EXOC4: variants seen among roughly 807,000 people sequenced by gnomAD.
EXOC4 encodes the protein exocyst complex component 4.
Under a neutral mutation model 107.2 loss-of-function variants are expected in EXOC4, and 71 were observed. That is an observed-to-expected ratio of 0.66 (90% CI 0.55 to 0.81). The LOEUF is 0.81. Among genes scored for constraint, EXOC4 ranks in the 30% least tolerant of loss-of-function variants. The probability of loss-of-function intolerance (pLI) is 0.00; values close to 1 mark genes in which losing one functional copy is unlikely to be tolerated. For synonymous variants in EXOC4, 456 were observed against 441.2 expected (o/e 1.03, Z -0.42); for missense variants, 1,108 against 1,189.6 (o/e 0.93, Z 1.01).
intron 10 of EXOC4, among the ~76,000 whole-genome samples, chr7:133,755,943 T>C (rs2151144836): frequency 6.6e-6 from 1 of 152,334 alleles, no homozygotes; most frequent in Non-Finnish European, 1.5e-5. Context: ...GCATGGTGGC[T>C]GTATTCTCAG....
chr7:133,546,494 G>C (rs998924398), intron 9 of EXOC4, among the ~76,000 whole-genome samples: 1 of 152,054 alleles, frequency 6.6e-6, no homozygotes, highest in Non-Finnish European at 1.5e-5. Context: ...CACCTCAAGC[G>C]ATCTGCCTGC....
At chr7:133,404,894 A>ACACACACACG (rs1797180861) in intron 7 of EXOC4, among the ~76,000 whole-genome samples, 1 of 29,542 alleles carries the variant, frequency 3.4e-5, no homozygotes, top group Non-Finnish European at 6.0e-5. Context: ...ATACACACAC[A>ACACACACACG]CACACACACG....
At chr7:133,837,232 C>T (rs1797936968) in intron 11 of EXOC4, among the ~76,000 whole-genome samples, 1 of 152,136 alleles carries the variant, frequency 6.6e-6, no homozygotes, top group African/African-American at 2.4e-5. Context: ...AAAGGACTGT[C>T]CTCTAGGAGG....
At chr7:133,358,550 T>A (rs1796072957) in intron 6 of EXOC4, among the ~76,000 whole-genome samples, 1 of 152,220 alleles carries the variant, frequency 6.6e-6, no homozygotes, top group Admixed American at 6.5e-5. Flanking sequence ...TTTCTTTGCC[T>A]GGCACCTGGA....
At chr7:133,344,753 G>A (rs1264059623) in intron 5 of EXOC4, among the ~76,000 whole-genome samples, 3 of 152,106 alleles carry the variant, frequency 2.0e-5, no homozygotes, top group Non-Finnish European at 2.9e-5. Context: ...TTGAAACTTA[G>A]GGTTGACTTT....
Position 133,746,820 on chromosome 7 carries a change from A to T in EXOC4, c.1515-70505A>T, listed in dbSNP as rs1052176836. ...CAGCCCATCTTTCTCGTGATTCCTC[A>T]TTCAACTGCCAGACTGACAGCAGGA... is the stretch of plus-strand genomic sequence containing the variant. On this transcript the variant is annotated intron_variant, in intron 10 of 17. Transcript: ENST00000253861. Among the ~76,000 whole-genome samples the T allele has an allele frequency of 3.9e-5, 6 of 152,298 alleles. No individual in the cohort carries two copies. In the East Asian group the frequency reaches 1.2e-3, roughly 29 times the overall value.
intron 10 of EXOC4, among the ~76,000 whole-genome samples, chr7:133,669,291 C>T (rs1057102783): frequency 1.3e-5 from 2 of 151,978 alleles, no homozygotes; most frequent in African/African-American, 4.8e-5. Flanking sequence ...CTCCTATGGC[C>T]TGGCTGGAGT....
chr7:133,811,601 TAA>T (rs1360510197), intron 10 of EXOC4, among the ~76,000 whole-genome samples: 2 of 152,224 alleles, frequency 1.3e-5, no homozygotes, highest in Admixed American at 1.3e-4. Flanking sequence ...GTTTGGTTAA[TAA>T]AACTGTTCAT....
At chr7:133,954,046 A>T (rs1800755719) in intron 14 of EXOC4, among the ~76,000 whole-genome samples, 2 of 152,236 alleles carry the variant, frequency 1.3e-5, no homozygotes, top group Admixed American at 6.5e-5. Context: ...AACATTTTGT[A>T]ATATGTTCCA....
chr7:133,872,086 G>A (rs1290441709), intron 11 of EXOC4, among the ~76,000 whole-genome samples: 1 of 152,024 alleles, frequency 6.6e-6, no homozygotes. Context: ...ACAGTTCTCG[G>A]GAACTAGGAA....
chr7:133,331,129 C>G (rs987991792), intron 5 of EXOC4, among the ~76,000 whole-genome samples: 1 of 152,090 alleles, frequency 6.6e-6, no homozygotes, highest in African/African-American at 2.4e-5. Context: ...AGTCAAGGCA[C>G]AGGTTGGCAA....
intron 10 of EXOC4, among the ~76,000 whole-genome samples, chr7:133,699,292 T>C (rs1052362365): frequency 6.6e-5 from 10 of 152,170 alleles, no homozygotes; most frequent in Non-Finnish European, 1.0e-4. Flanking sequence ...GTCAGTGTTT[T>C]TTCCCCCAGT....
At chr7:133,471,133 CG>C (rs1798865955) in intron 7 of EXOC4, among the ~76,000 whole-genome samples, 1 of 152,142 alleles carries the variant, frequency 6.6e-6, no homozygotes, top group Middle Eastern at 3.4e-3. Flanking sequence ...AAATTCTGGC[CG>C]GGTGTGCTGG....
chr7:133,686,591 A>C (rs142419376), intron 10 of EXOC4, among the ~76,000 whole-genome samples: 1 of 152,332 alleles, frequency 6.6e-6, no homozygotes, highest in Non-Finnish European at 1.5e-5. Context: ...GAACATATAC[A>C]AATTGCCAAT....
intron 10 of EXOC4, among the ~76,000 whole-genome samples, chr7:133,653,230 A>G (rs1438886214): frequency 6.6e-6 from 1 of 152,176 alleles, no homozygotes; most frequent in East Asian, 1.9e-4. Context: ...TAGTAAGTAG[A>G]TGCTATATTT....
chr7:133,912,398 A>G (rs958405), intron 12 of EXOC4, among the ~76,000 whole-genome samples: 71,079 of 151,990 alleles, frequency 0.47, 17,930 homozygotes, highest in African/African-American at 0.66. Flanking sequence ...ACTATTTTAC[A>G]TTGGGGTTTT....
chr7:133,416,427 A>T (rs997495555), intron 7 of EXOC4, among the ~76,000 whole-genome samples: 8 of 152,206 alleles, frequency 5.3e-5, no homozygotes, highest in African/African-American at 1.9e-4. Flanking sequence ...ATTTGCATAT[A>T]GGGTTGTTTC....
At chr7:133,502,525 C>CT (rs982866819) in intron 9 of EXOC4, among the ~76,000 whole-genome samples, 1 of 151,888 alleles carries the variant, frequency 6.6e-6, no homozygotes, top group Non-Finnish European at 1.5e-5. Context: ...TGCTAATTTG[C>CT]TTTTTTGTGT....
At chr7:133,736,167 A>T (rs1795440829) in intron 10 of EXOC4, among the ~76,000 whole-genome samples, 1 of 152,114 alleles carries the variant, frequency 6.6e-6, no homozygotes, top group African/African-American at 2.4e-5. Flanking sequence ...TTCTCTCCTT[A>T]TCCTAAAGAA....
Sources: gnomAD v4.1 joint callset for allele counts (sites outside exome capture counted in the v4.1 genomes callset) on GRCh38, gnomAD v4.1.1 for gene constraint, MANE v1.5 for transcripts, NCBI Gene and HGNC (gene_info 2026-07-23, HGNC 2026-07-21) for gene names.